SCRN3: variants seen among roughly 807,000 people sequenced by gnomAD.
SCRN3 encodes the protein secernin 3, also known as secernin-3.
SCRN3 carries 39 observed loss-of-function variants against 43.1 expected under a neutral mutation model. That is an observed-to-expected ratio of 0.91 (90% CI 0.70 to 1.18). The LOEUF (loss-of-function observed/expected upper bound fraction) is 1.18, where lower values mean the gene tolerates loss of function less well. Ranked by LOEUF, SCRN3 falls within the 50% of genes most tolerant of loss-of-function variation. SCRN3 has a pLI of 0.00. For missense variants in SCRN3, 484 were observed against 498.0 expected (o/e 0.97, Z 0.27); for synonymous variants, 147 against 163.1 (o/e 0.90, Z 0.75).
Position 174,400,088 on chromosome 2 carries a change from G to A in SCRN3, c.326G>A (p.Gly109Glu), listed in dbSNP as rs768705302. ...GTTTGTGATGAAGAAGCACTATTAG[G>A]AATGGACCTTGTCAGGTTATTTTTT... ...EEVCDEEALL[G>E]MDLVRLGLER... Residue 109 changes from glycine (G) to glutamate (E), a missense_variant, in exon 3 of 8, where the codon GGA becomes GAA. Physicochemically the swap from Gly to Glu is moderately conservative, Grantham distance 98 (BLOSUM62 -2). Transcript: ENST00000272732. The A allele has an allele frequency of 6.4e-7, 1 of 1,572,860 alleles. No homozygotes were observed. Among genetic ancestry groups the A allele is most frequent in the Non-Finnish European group, 8.6e-7 (1 of 1,164,462 alleles).
Position 174,398,422 on chromosome 2 carries a change from A to G in SCRN3, c.139A>G (p.Asn47Asp), listed in dbSNP as rs1470916569. Reference protein sequence around the residue: ...VVYFPAVVHDNLGERLKCTYI... With the variant: ...VVYFPAVVHDDLGERLKCTYI... Reference sequence around the variant, plus strand: ...TTATTTTCCTGCTGTAGTTCATGATAACCTGGGAGAACGTCTTAAGGTAGG... The same window carrying G: ...TTATTTTCCTGCTGTAGTTCATGATGACCTGGGAGAACGTCTTAAGGTAGG... Residue 47 changes from asparagine (N) to aspartate (D), a missense_variant, in exon 2 of 8, where the codon AAC (asparagine) becomes GAC (aspartate). By Grantham distance (23) the Asn-to-Asp change is conservative. Transcript: ENST00000272732. 1 of 1,598,516 alleles carries G rather than the reference A, an allele frequency of 6.3e-7. No homozygotes were observed.
rs764613618 is a variant in SCRN3 at position 174,395,795 on chromosome 2, A to G, written c.-32A>G. ...CCACTCCTCCCTCCGTCCACCTGTC[A>G]CTTCGGGTAGCTGGGAGGCCAGGTG... is the stretch of plus-strand genomic sequence containing the variant. On this transcript the variant is annotated 5_prime_UTR_variant, in exon 1 of 8. Transcript: ENST00000272732. 6 of 1,552,754 alleles carry G rather than the reference A, an allele frequency of 3.9e-6. No homozygotes were observed. The highest frequency in any genetic ancestry group is 5.2e-6 in the Non-Finnish European group (6 of 1,147,428).
At chr2:174,396,987 C>A in intron 1 of SCRN3, 1 of 697,852 alleles carries the variant, frequency 1.4e-6, no homozygotes, top group Non-Finnish European at 1.8e-6. Context: ...AGGCAGAAGG[C>A]ATAGGTAAGA....
intron 5 of SCRN3, among the ~76,000 whole-genome samples, chr2:174,414,847 T>C (rs1184176182): frequency 6.8e-6 from 1 of 147,692 alleles, no homozygotes; most frequent in African/African-American, 2.5e-5. Flanking sequence ...CACTGCAACC[T>C]CTGCCTCCTG....
intron 5 of SCRN3, among the ~76,000 whole-genome samples, chr2:174,417,597 G>A (rs571058963): frequency 3.9e-4 from 59 of 152,186 alleles, no homozygotes; most frequent in African/African-American, 1.3e-3. Context: ...GTTTCATTTT[G>A]TTGGCCAGGC....
intron 2 of SCRN3, among the ~76,000 whole-genome samples, chr2:174,399,232 A>AT (rs1346345052): frequency 2.0e-5 from 3 of 152,030 alleles, no homozygotes; most frequent in Admixed American, 1.3e-4. Context: ...CCTATGCCAT[A>AT]TTTTTTTCTT....
At position 174,427,912 on chromosome 2, in the gene SCRN3, T is replaced by A. The variant is rs768165077; in HGVS notation, c.*17T>A. The stretch of plus-strand genomic sequence containing the variant: ...AGTTCTTAGTGATCATATGGTCAGC[T>A]AATATTAGTTCTTAGTGATCAGTGG... On this transcript the variant is annotated 3_prime_UTR_variant, in exon 8 of 8. Coordinates refer to ENST00000272732, the MANE Select transcript of SCRN3 (RefSeq NM_024583.5). 9.3e-6 allele frequency: 14 copies of A among 1,499,138 alleles called. No individual in the cohort carries two copies. Among genetic ancestry groups the A allele is most frequent in the Non-Finnish European group, 1.3e-5 (14 of 1,082,710 alleles). 92.9% of individuals were successfully genotyped at this position (1,499,138 alleles called of 1,614,324 possible).
chr2:174,404,192 G>T lies in SCRN3; in HGVS notation c.631G>T (p.Gly211Cys). 1 of 1,613,902 alleles carries T rather than the reference G, an allele frequency of 6.2e-7. No individual in the cohort carries two copies. Among genetic ancestry groups the T allele is most frequent in the Non-Finnish European group, 8.5e-7 (1 of 1,179,862 alleles). ...PDMRNYAKRK[G>C]WWDGKKEFDF... Reference sequence around the variant, plus strand: ...CATGAGAAACTATGCTAAGCGGAAAGGTTGGTGGGATGGTAAAAAGGAGTT... The same window carrying T: ...CATGAGAAACTATGCTAAGCGGAAATGTTGGTGGGATGGTAAAAAGGAGTT... Residue 211 changes from glycine (G) to cysteine (C), a missense_variant, in exon 5 of 8, where the codon GGT becomes TGT. Gly to Cys is a radical substitution (Grantham distance 159, BLOSUM62 -3). Coordinates refer to ENST00000272732, the MANE Select transcript of SCRN3 (RefSeq NM_024583.5).
intron 4 of SCRN3, among the ~76,000 whole-genome samples, chr2:174,403,847 A>G (rs759378046): frequency 6.6e-6 from 1 of 152,042 alleles, no homozygotes; most frequent in Non-Finnish European, 1.5e-5. Flanking sequence ...CATTGGGGGA[A>G]ACTGGGTAAA....
intron 7 of SCRN3, among the ~76,000 whole-genome samples, chr2:174,425,515 G>A (rs946632096): frequency 6.6e-5 from 10 of 152,116 alleles, no homozygotes; most frequent in African/African-American, 2.4e-4. Context: ...ACACTGAAAC[G>A]GATTAAATGA....
At chr2:174,419,531 TACC>T (rs1686222529) in intron 5 of SCRN3, among the ~76,000 whole-genome samples, 1 of 152,012 alleles carries the variant, frequency 6.6e-6, no homozygotes, top group Non-Finnish European at 1.5e-5. Context: ...AGGCATGCAT[TACC>T]ACACCTGGCT....
chr2:174,411,719 C>G (rs1229474306), intron 5 of SCRN3, among the ~76,000 whole-genome samples: 1 of 152,030 alleles, frequency 6.6e-6, no homozygotes, highest in Non-Finnish European at 1.5e-5. Flanking sequence ...GTCAGGAGTT[C>G]GAGACCACCC....
In SCRN3 at chr2:174,399,963, T is replaced by C. The variant is rs760272538; in HGVS notation, c.201T>C (p.Ala67=). The stretch of plus-strand genomic sequence containing the variant: ...TTGATCAAGTTCCTGAAACATATGC[T>C]GTTGTCCTGAGTCGCCCAGCGTGGT... The part of the protein sequence containing the change: ...IEIDQVPETY[A]VVLSRPAWLW... The change falls in exon 3 of 8, where the codon GCT becomes GCC. Residue 67 remains alanine (A), a synonymous_variant. Transcript: ENST00000272732. 1.3e-6 allele frequency: 2 copies of C among 1,568,576 alleles called. No individual in the cohort carries two copies. Among genetic ancestry groups the C allele is most frequent in the Non-Finnish European group, 8.6e-7 (1 of 1,163,274 alleles).
Position 174,422,689 on chromosome 2 carries a change from A to G in SCRN3, c.755-196A>G, listed in dbSNP as rs147688312. Among the ~76,000 whole-genome samples, 476 of 151,998 alleles carry G rather than the reference A, an allele frequency of 3.1e-3. 1 individual carries two copies. The highest frequency in any genetic ancestry group is 5.6e-3 in the Non-Finnish European group (378 of 67,990). On this transcript the variant is annotated intron_variant, in intron 5 of 7. Transcript: ENST00000272732. ...ATGGCTTTGAGACTTTGCATAGTTT[A>G]TATTTAAAATAACATACCTTTCCTG...
rs1686533174 is a variant in SCRN3 at position 174,427,644 on chromosome 2, A to G, written c.1093-69A>G. 5.5e-6 allele frequency: 5 copies of G among 903,960 alleles called. No individual in the cohort carries two copies. In the East Asian group the frequency reaches 1.5e-4, roughly 26 times the overall value. The allele number at this position is 903,960 out of a possible 1,614,324, so 56.0% of individuals were successfully genotyped here. On this transcript the variant is annotated intron_variant, in intron 7 of 7. Coordinates refer to ENST00000272732, the MANE Select transcript of SCRN3 (RefSeq NM_024583.5). ...GCATGAACAAACCTTATTTGTAGAG[A>G]TGGGTTGAATTTGGTTAGATTTATG...
At chr2:174,396,798 A>G (rs1685331832) in intron 1 of SCRN3, among the ~76,000 whole-genome samples, 2 of 141,546 alleles carry the variant, frequency 1.4e-5, no homozygotes, top group South Asian at 4.3e-4. Flanking sequence ...AACTCCATCA[A>G]AAAAAAAAAA....
chr2:174,427,939 C>A lies in SCRN3; in HGVS notation c.*44C>A, dbSNP rs563125260. On this transcript the variant is annotated 3_prime_UTR_variant, in exon 8 of 8. Coordinates refer to ENST00000272732, the MANE Select transcript of SCRN3 (RefSeq NM_024583.5). Reference sequence around the variant, plus strand: ...ATATTAGTTCTTAGTGATCAGTGGTCAGTAATCTTCAAAGTCAGAATCTAT... The same window carrying A: ...ATATTAGTTCTTAGTGATCAGTGGTAAGTAATCTTCAAAGTCAGAATCTAT... 4 of 1,272,548 alleles carry A rather than the reference C, an allele frequency of 3.1e-6. No homozygotes were observed. Among genetic ancestry groups the A allele is most frequent in the South Asian group, 1.4e-5 (1 of 71,596 alleles). 78.8% of individuals were successfully genotyped at this position (1,272,548 alleles called of 1,614,324 possible). A position where few individuals can be genotyped will look rare whatever the true frequency, so the allele number is the denominator to read the frequency against.
intron 5 of SCRN3, 120 bp downstream of exon 5, chr2:174,404,435 T>A (rs1332303681): frequency 1.2e-5 from 8 of 651,774 alleles, no homozygotes; most frequent in Admixed American, 6.9e-5. Context: ...TCTATTAAAA[T>A]GAAAAATATT....
intron 1 of SCRN3, 59 bp from the exon 2 acceptor site, chr2:174,398,215 CT>C: frequency 2.8e-6 from 3 of 1,071,350 alleles, no homozygotes; most frequent in Non-Finnish European, 3.9e-6. Flanking sequence ...GAGTAAAACT[CT>C]TTATTTTTAT....
Sources: allele counts gnomAD v4.1 joint callset (sites outside exome capture counted in the v4.1 genomes callset), GRCh38; gene constraint gnomAD v4.1.1; transcripts MANE v1.5; gene names NCBI Gene and HGNC (gene_info 2026-07-23, HGNC 2026-07-21).